The following STAC3 variants were observed in gnomAD, a reference collection of about 807,000 sequenced individuals.
STAC3 encodes SH3 and cysteine-rich domain-containing protein 3.
In STAC3, 30 loss-of-function variants were observed where a neutral mutation model predicts 48.5. The observed-to-expected ratio is 0.62, with a 90% confidence interval of 0.46 to 0.84. The LOEUF (loss-of-function observed/expected upper bound fraction) is 0.84, where lower values mean the gene tolerates loss of function less well. Ranked by LOEUF, STAC3 falls within the 40% of genes least tolerant of loss-of-function variation. The pLI is 0.00. For synonymous variants in STAC3, 144 were observed against 158.6 expected (o/e 0.91, Z 0.69); for missense variants, 419 against 462.6 (o/e 0.91, Z 0.86).
Position 57,247,018 on chromosome 12 carries a change from T to C in STAC3, c.506-117A>G, listed in dbSNP as rs551624930. On this transcript the variant is annotated intron_variant, in intron 5 of 11. Coordinates refer to ENST00000332782, the MANE Select transcript of STAC3 (RefSeq NM_145064.3). Reference sequence around the variant, plus strand: ...TACCCATGTGTGTGTTGGGTGGCGGTGGGGGCGCCGCGGGGAAGATTAGGG... The same window carrying C: ...TACCCATGTGTGTGTTGGGTGGCGGCGGGGGCGCCGCGGGGAAGATTAGGG... 25 of 965,984 alleles carry C rather than the reference T, an allele frequency of 2.6e-5. No individual in the cohort carries two copies. The African/African-American group carries it at 4.0e-4, about 16-fold the overall frequency. The allele number at this position is 965,984 out of a possible 1,614,324, so 59.8% of individuals were successfully genotyped here.
Position 57,244,229 on chromosome 12 carries a change from G to A in STAC3, c.859-4C>T, listed in dbSNP as rs776936909. ...CGACCTTCTCCCCGATTTTCCCCTA[G>A]GGAAGATAGTAGGGAGAGTCCATCT... On this transcript the variant is annotated splice_region_variant and splice_polypyrimidine_tract_variant and intron_variant, in intron 10 of 11. Transcript: ENST00000332782. The A allele has an allele frequency of 6.2e-7, 1 of 1,614,214 alleles. No homozygotes were observed. The highest frequency in any genetic ancestry group is 8.5e-7 in the Non-Finnish European group (1 of 1,180,034).
intron 6 of STAC3, among the ~76,000 whole-genome samples, chr12:57,246,318 G>A (rs1167578920): frequency 6.6e-6 from 1 of 151,460 alleles, no homozygotes; most frequent in African/African-American, 2.4e-5. Context: ...GTTTTTTGCA[G>A]TTGATTTTTT....
At position 57,249,843 on chromosome 12, in the gene STAC3, C is replaced by T. The variant is rs1218559033; in HGVS notation, c.-1-206G>A. The T allele has an allele frequency of 1.8e-5, 9 of 513,288 alleles. No homozygotes were observed. The East Asian group carries it at 2.1e-4, about 12-fold the overall frequency. 31.8% of individuals were successfully genotyped at this position (513,288 alleles called of 1,614,324 possible). On this transcript the variant is annotated intron_variant, in intron 1 of 11. Transcript: ENST00000332782. ...TGATCATGGCTCACTGCAGCCTCGA[C>T]CTCCCAGCCTGAAGCGATCCCCCTA...
At chr12:57,248,334 A>G in intron 4 of STAC3, 136 bp from the exon 5 acceptor site, 1 of 714,586 alleles carries the variant, frequency 1.4e-6, no homozygotes, top group Non-Finnish European at 2.5e-6. Context: ...AATGGGATGG[A>G]GGAGAGACCA....
chr12:57,246,377 TC>T (rs1489388515), intron 6 of STAC3, among the ~76,000 whole-genome samples: 6 of 129,592 alleles, frequency 4.6e-5, no homozygotes, highest in Non-Finnish European at 1.0e-4. Flanking sequence ...TTCCTTCCTT[TC>T]CTTCCTTCCT....
chr12:57,244,818 G>C (rs2037692387), intron 8 of STAC3, 98 bp downstream of exon 8: 1 of 1,470,082 alleles, frequency 6.8e-7, no homozygotes, highest in Non-Finnish European at 9.5e-7. Context: ...GGGAAGCCTA[G>C]GAGTTAAAGA....
chr12:57,247,419 ATTATTATTATTTTTTTTTTT>A (rs1211173033), intron 5 of STAC3, among the ~76,000 whole-genome samples: 20 of 88,672 alleles, frequency 2.3e-4, no homozygotes, highest in Admixed American at 3.6e-4. Flanking sequence ...TATTATTATT[ATTATTATTATTTTTTTTTTT>A]TTTTTTTTTT....
intron 11 of STAC3, 56 bp from the exon 12 acceptor site, chr12:57,243,966 G>A (rs1323422206): frequency 2.5e-6 from 4 of 1,606,620 alleles, no homozygotes; most frequent in African/African-American, 2.7e-5. Flanking sequence ...GGTAGGAGAG[G>A]ACAGCAGGGG....
chr12:57,249,454 G>T, intron 2 of STAC3, 117 bp downstream of exon 2: 1 of 1,494,160 alleles, frequency 6.7e-7, no homozygotes. Flanking sequence ...ATTGGGGACT[G>T]CAGGTGCTGG....
chr12:57,249,660 A>G, intron 1 of STAC3, 23 bp from the exon 2 acceptor site: 1 of 1,612,966 alleles, frequency 6.2e-7, no homozygotes, highest in Non-Finnish European at 8.5e-7. Context: ...GGACCCCACT[A>G]TGAAATCTAA....
Position 57,244,245 on chromosome 12 carries a change from G to T in STAC3, c.859-20C>A, listed in dbSNP as rs1407997385. 2 of 1,614,090 alleles carry T rather than the reference G, an allele frequency of 1.2e-6. No homozygotes were observed. The highest frequency in any genetic ancestry group is 1.7e-6 in the Non-Finnish European group (2 of 1,180,048). On this transcript the variant is annotated intron_variant, in intron 10 of 11. Coordinates refer to ENST00000332782, the MANE Select transcript of STAC3 (RefSeq NM_145064.3). ...TTTCCCCTAGGGAAGATAGTAGGGA[G>T]AGTCCATCTCTCAATGTCGGGTTCT... is the stretch of plus-strand genomic sequence containing the variant.
rs762164153 is a variant in STAC3 at position 57,244,371 on chromosome 12, G to T, written c.807-5C>A. On this transcript the variant is annotated splice_polypyrimidine_tract_variant and splice_region_variant and intron_variant, in intron 9 of 11. Coordinates refer to ENST00000332782, the MANE Select transcript of STAC3 (RefSeq NM_145064.3). ...ACTGTGATCTTCTCTCCTGGCCTGG[G>T]AGGGGAAGGGAGGGGCCTCACTCAC... 6.2e-7 allele frequency: 1 copy of T among 1,614,080 alleles called. No individual in the cohort carries two copies. The highest frequency in any genetic ancestry group is 1.7e-5 in the Admixed American group (1 of 60,030).
chr12:57,247,560 G>A (rs560373915), intron 5 of STAC3, among the ~76,000 whole-genome samples: 99 of 150,518 alleles, frequency 6.6e-4, no homozygotes, highest in African/African-American at 1.9e-3. Flanking sequence ...CAGCCTCTCC[G>A]AGTAGCTGGG....
rs566027586 is a variant in STAC3 at position 57,248,889 on chromosome 12, C to A, written c.335-86G>T. 1.2e-5 allele frequency: 19 copies of A among 1,526,896 alleles called. No individual in the cohort carries two copies. In the South Asian group the frequency reaches 2.1e-4, roughly 17 times the overall value. 94.6% of individuals were successfully genotyped at this position (1,526,896 alleles called of 1,614,324 possible). The stretch of plus-strand genomic sequence containing the variant: ...TGCTGCTACTCTTAGGTTTCCTTTT[C>A]TGTCTGGGACCCTACTTGCTCAATC... On this transcript the variant is annotated intron_variant, in intron 3 of 11. Transcript: ENST00000332782.
At position 57,249,159 on chromosome 12, in the gene STAC3, C is replaced by T. The variant is rs143709026; in HGVS notation, c.216G>A (p.Glu72=). The T allele has an allele frequency of 5.0e-6, 8 of 1,613,718 alleles. No homozygotes were observed. The African/African-American group carries it at 1.1e-4, about 22-fold the overall frequency. ...GTTCTGGGGGTGGCTCCTCCTCCTCCTCTTCTTCCTCTTCCTCTTCCTCAT... is the reference window on the plus strand; with the variant it reads ...GTTCTGGGGGTGGCTCCTCCTCCTCTTCTTCTTCCTCTTCCTCTTCCTCAT... ...YIYEEEEEEE[E]EEEEPPPEPP... The change falls in exon 3 of 12, where the codon GAG becomes GAA. Residue 72 remains glutamate, a synonymous_variant. Transcript: ENST00000332782.
rs1452216268 is a variant in STAC3, at chr12:57,243,563, T to C, written c.*249A>G. The C allele has an allele frequency of 3.6e-6, 2 of 555,528 alleles. No individual in the cohort carries two copies. The highest frequency in any genetic ancestry group is 3.4e-6 in the Non-Finnish European group (1 of 293,842). The allele number at this position is 555,528 out of a possible 1,614,324, so 34.4% of individuals were successfully genotyped here. ...GGCTCCTCCTAGTAGATACGCGTTT[T>C]TTTCCAGCTCTTGCAAGCGGGGCCT... On this transcript the variant is annotated 3_prime_UTR_variant, in exon 12 of 12. Coordinates refer to ENST00000332782, the MANE Select transcript of STAC3 (RefSeq NM_145064.3).
chr12:57,249,861 T>A (rs1048757479), intron 1 of STAC3: 8 of 457,398 alleles, frequency 1.7e-5, no homozygotes, highest in South Asian at 1.1e-4. Flanking sequence ...CCTGAAGCGA[T>A]CCCCCTACCT....
chr12:57,244,694 G>C (rs781127345), intron 8 of STAC3, 72 bp from the exon 9 acceptor site: 2 of 1,557,148 alleles, frequency 1.3e-6, no homozygotes, highest in African/African-American at 2.7e-5. Flanking sequence ...TCCAAGGCAG[G>C]GACATTCACC....
chr12:57,248,419 C>T, intron 4 of STAC3: 1 of 566,712 alleles, frequency 1.8e-6, no homozygotes, highest in Non-Finnish European at 3.1e-6. Flanking sequence ...CGCTCTGTCA[C>T]CCAGGCTGGA....
Sources: allele counts gnomAD v4.1 joint callset (sites outside exome capture counted in the v4.1 genomes callset), GRCh38; gene constraint gnomAD v4.1.1; transcripts MANE v1.5; gene names NCBI Gene and HGNC (gene_info 2026-07-23, HGNC 2026-07-21).